Variants in GPATCH2 observed in about 807,000 individuals in gnomAD.
GPATCH2 encodes the protein G patch domain-containing protein 2.
In GPATCH2, 51 loss-of-function variants were observed where a neutral mutation model predicts 58.0. That is an observed-to-expected ratio of 0.88 (90% confidence interval 0.70 to 1.11). GPATCH2 has a LOEUF of 1.11. GPATCH2 is among the 50% of genes most tolerant of loss of function. The probability of loss-of-function intolerance (pLI) is 0.00; values close to 1 mark genes in which losing one functional copy is unlikely to be tolerated. For synonymous variants in GPATCH2, 222 were observed against 218.5 expected (o/e 1.02, Z -0.14); for missense variants, 625 against 652.2 (o/e 0.96, Z 0.45).
chr1:217,515,252 C>A (rs1315105169), intron 5 of GPATCH2, among the ~76,000 whole-genome samples: 4 of 151,946 alleles, frequency 2.6e-5, no homozygotes, highest in Admixed American at 2.0e-4. Flanking sequence ...CCCGCCACCA[C>A]GCCCGGCTAA....
chr1:217,605,505 A>G (rs1159357175), intron 5 of GPATCH2, among the ~76,000 whole-genome samples: 1 of 152,220 alleles, frequency 6.6e-6, no homozygotes, highest in Admixed American at 6.5e-5. Context: ...GGCAATTATA[A>G]AGCTTTTCAA....
At chr1:217,583,487 C>T (rs1369711294) in intron 5 of GPATCH2, among the ~76,000 whole-genome samples, 1 of 146,176 alleles carries the variant, frequency 6.8e-6, no homozygotes, top group Non-Finnish European at 1.5e-5. Context: ...AGGAGAGTTG[C>T]ATGAACCTGG....
chr1:217,490,312 G>A (rs1661657219), intron 8 of GPATCH2, among the ~76,000 whole-genome samples: 1 of 152,034 alleles, frequency 6.6e-6, no homozygotes, highest in African/African-American at 2.4e-5. Flanking sequence ...TTTGCTTTTG[G>A]TCTACTATGG....
At chr1:217,549,541 C>G (rs576019620) in intron 5 of GPATCH2, among the ~76,000 whole-genome samples, 1 of 140,880 alleles carries the variant, frequency 7.1e-6, no homozygotes, top group Non-Finnish European at 1.6e-5. Flanking sequence ...ATGACACAAA[C>G]AAATGGCCCA....
intron 5 of GPATCH2, among the ~76,000 whole-genome samples, chr1:217,607,165 T>TG (rs960184103): frequency 6.6e-6 from 1 of 152,202 alleles, no homozygotes; most frequent in Non-Finnish European, 1.5e-5. Context: ...AAAATTTATT[T>TG]GTTAACCCCA....
chr1:217,588,811 T>C (rs1667456407), intron 5 of GPATCH2, among the ~76,000 whole-genome samples: 1 of 152,132 alleles, frequency 6.6e-6, no homozygotes, highest in Admixed American at 6.5e-5. Flanking sequence ...ATCTACCCCC[T>C]TTCCCCAAGG....
At chr1:217,590,177 C>T (rs1356921374) in intron 5 of GPATCH2, among the ~76,000 whole-genome samples, 9 of 151,990 alleles carry the variant, frequency 5.9e-5, no homozygotes, top group Non-Finnish European at 1.0e-4. Context: ...CGCACTACCA[C>T]ACCTGGCTAA....
At chr1:217,595,143 A>G (rs1291398756) in intron 5 of GPATCH2, among the ~76,000 whole-genome samples, 2 of 152,250 alleles carry the variant, frequency 1.3e-5, no homozygotes, top group African/African-American at 4.8e-5. Context: ...AAGAAGGATT[A>G]CTGAAGAAGG....
At chr1:217,629,999 T>C (rs1184976817) in intron 1 of GPATCH2, among the ~76,000 whole-genome samples, 1 of 152,188 alleles carries the variant, frequency 6.6e-6, no homozygotes, top group African/African-American at 2.4e-5. Flanking sequence ...ACGCACCATT[T>C]AGCCACATTT....
At chr1:217,629,119 G>T (rs1447863751) in intron 1 of GPATCH2, among the ~76,000 whole-genome samples, 1 of 152,090 alleles carries the variant, frequency 6.6e-6, no homozygotes, top group Non-Finnish European at 1.5e-5. Context: ...TTCCCAGTGG[G>T]ACTGGAATTT....
intron 5 of GPATCH2, among the ~76,000 whole-genome samples, chr1:217,573,017 A>G (rs943421974): frequency 3.9e-5 from 6 of 152,254 alleles, no homozygotes; most frequent in Non-Finnish European, 8.8e-5. Flanking sequence ...TTAGAAGTGC[A>G]AGAAGAAAGG....
intron 5 of GPATCH2, among the ~76,000 whole-genome samples, chr1:217,535,427 G>A (rs921590584): frequency 6.6e-6 from 1 of 152,128 alleles, no homozygotes; most frequent in Non-Finnish European, 1.5e-5. Context: ...CCAGCTCACT[G>A]CAAGTTCCGC....
intron 2 of GPATCH2, among the ~76,000 whole-genome samples, chr1:217,617,147 A>G (rs544374228): frequency 6.6e-6 from 1 of 152,292 alleles, no homozygotes; most frequent in East Asian, 1.9e-4. Flanking sequence ...AATCCAAACT[A>G]TTTACCATAG....
rs148481092 is a variant in GPATCH2, at chr1:217,545,346, C to T, written c.1099-30457G>A. Among the ~76,000 whole-genome samples the T allele has an allele frequency of 3.6e-4, 55 of 152,308 alleles. No homozygotes were observed. The East Asian group carries it at 9.7e-3, about 27-fold the overall frequency. ...AGCACTACCAAGACCATATCTCAGA[C>T]TCTGGGAAGATGACTGGCTGGTAAG... is the stretch of plus-strand genomic sequence containing the variant. On this transcript the variant is annotated intron_variant, in intron 5 of 9. Coordinates refer to ENST00000366935, the MANE Select transcript of GPATCH2 (RefSeq NM_018040.5).
At chr1:217,558,566 G>A (rs1024900246) in intron 5 of GPATCH2, among the ~76,000 whole-genome samples, 4 of 152,162 alleles carry the variant, frequency 2.6e-5, no homozygotes, top group East Asian at 3.9e-4. Flanking sequence ...CTTTAGCATC[G>A]AGGTGTTTAA....
intron 9 of GPATCH2, among the ~76,000 whole-genome samples, chr1:217,436,008 G>T (rs1032038690): frequency 1.3e-5 from 2 of 151,982 alleles, no homozygotes; most frequent in African/African-American, 4.8e-5. Context: ...TTAAATAACA[G>T]AAATTTAATG....
intron 5 of GPATCH2, among the ~76,000 whole-genome samples, chr1:217,539,547 A>C (rs543858944): frequency 6.6e-6 from 1 of 152,338 alleles, no homozygotes; most frequent in East Asian, 1.9e-4. Context: ...TCAGTGCTGC[A>C]CAATCCCCTC....
At chr1:217,617,755 G>T (rs774786606) in intron 2 of GPATCH2, among the ~76,000 whole-genome samples, 13 of 152,080 alleles carry the variant, frequency 8.5e-5, no homozygotes, top group Non-Finnish European at 1.3e-4. Context: ...TCAAATCAGA[G>T]AAAATATATT....
intron 5 of GPATCH2, among the ~76,000 whole-genome samples, chr1:217,518,857 T>C (rs529372138): frequency 1.3e-5 from 2 of 152,316 alleles, no homozygotes; most frequent in East Asian, 1.9e-4. Context: ...CAAACACTTA[T>C]GTTGGCAAGC....
Sources: gnomAD v4.1 joint callset for allele counts (sites outside exome capture counted in the v4.1 genomes callset) on GRCh38, gnomAD v4.1.1 for gene constraint, MANE v1.5 for transcripts, NCBI Gene and HGNC (gene_info 2026-07-23, HGNC 2026-07-21) for gene names.